MARCHF1: variants seen among roughly 807,000 people sequenced by gnomAD.
MARCHF1 encodes E3 ubiquitin-protein ligase MARCHF1.
MARCHF1 carries 40 observed loss-of-function variants against 54.2 expected under a neutral mutation model. The ratio of observed to expected loss-of-function variants is 0.74; its 90% CI spans 0.57 to 0.96. The LOEUF is 0.96. Ranked by LOEUF, MARCHF1 falls within the 40% of genes least tolerant of loss-of-function variation. The pLI is 0.00. For synonymous variants in MARCHF1, 236 were observed against 236.3 expected (o/e 1.00, Z 0.01); for missense variants, 586 against 656.5 (o/e 0.89, Z 1.17).
Position 164,373,352 on chromosome 4 carries a change from C to CTTTTT in MARCHF1, c.-323+10513_-323+10517dup, listed in dbSNP as rs5863683. ...CATTAAAAATTAATGTGAAAAACTACTTTTTTTTTTTTTTTTTTTTTTTGA... is the reference window on the plus strand; with the variant it reads ...CATTAAAAATTAATGTGAAAAACTACTTTTTTTTTTTTTTTTTTTTTTTTTTTTGA... On this transcript the variant is annotated intron_variant, in intron 1 of 9. Transcript: ENST00000514618. Among the ~76,000 whole-genome samples, 69 of 91,606 alleles carry CTTTTT rather than the reference C, an allele frequency of 7.5e-4. 1 individual carries two copies. Among genetic ancestry groups the CTTTTT allele is most frequent in the East Asian group, 3.5e-3 (10 of 2,878 alleles). 60.1% of individuals were successfully genotyped at this position (91,606 alleles called of 152,430 possible).
At chr4:163,824,940 GA>G (rs1266373235) in intron 4 of MARCHF1, among the ~76,000 whole-genome samples, 1 of 148,762 alleles carries the variant, frequency 6.7e-6, no homozygotes, top group African/African-American at 2.5e-5. Context: ...ACCACAATGA[GA>G]TACCATCTCA....
chr4:164,264,919 G>GAAAAA (rs769358099), intron 1 of MARCHF1, among the ~76,000 whole-genome samples: 1 of 115,290 alleles, frequency 8.7e-6, no homozygotes, highest in African/African-American at 3.6e-5. Context: ...AGACTCTGTC[G>GAAAAA]AAAAAAAAAA....
chr4:163,950,751 A>G (rs1320071752), intron 3 of MARCHF1, among the ~76,000 whole-genome samples: 2 of 152,278 alleles, frequency 1.3e-5, no homozygotes, highest in Non-Finnish European at 2.9e-5. Context: ...CTTAAATAGT[A>G]TAAATGTTAA....
intron 1 of MARCHF1, among the ~76,000 whole-genome samples, chr4:164,377,337 T>G (rs1352579031): frequency 6.6e-6 from 1 of 152,228 alleles, no homozygotes; most frequent in Non-Finnish European, 1.5e-5. Flanking sequence ...CTGAGTTTTA[T>G]CCATATACCA....
rs566864840 is a variant in MARCHF1 at position 163,852,605 on chromosome 4, T to C, written c.111+1416A>G. On this transcript the variant is annotated intron_variant, in intron 4 of 9. Coordinates refer to ENST00000514618, the MANE Select transcript of MARCHF1 (RefSeq NM_001394959.1). ...CAAAAGGAAACCATTCCCTAAAACTTTGAATACCCAGTAGTTTTGCACATA... is the reference window on the plus strand; with the variant it reads ...CAAAAGGAAACCATTCCCTAAAACTCTGAATACCCAGTAGTTTTGCACATA... 1.5e-3 allele frequency among the ~76,000 whole-genome samples: 229 copies of C among 152,282 alleles called. 1 individual carries two copies. Among genetic ancestry groups the C allele is most frequent in the African/African-American group, 5.3e-3 (222 of 41,564 alleles).
intron 1 of MARCHF1, among the ~76,000 whole-genome samples, chr4:164,348,184 CT>C (rs567651251): frequency 3.3e-5 from 5 of 151,138 alleles, no homozygotes; most frequent in East Asian, 2.0e-4. Flanking sequence ...GAGTATGCTT[CT>C]TTTTTTTTGT....
chr4:164,207,194 G>A (rs184546608), intron 1 of MARCHF1, among the ~76,000 whole-genome samples: 231 of 152,178 alleles, frequency 1.5e-3, no homozygotes, highest in African/African-American at 5.3e-3. Flanking sequence ...ATTATTTTGT[G>A]TTTTACAATG....
In MARCHF1 at chr4:163,886,338, TAG is replaced by T. The variant is rs1560803566; in HGVS notation, c.-38-32171_-38-32170del. On this transcript the variant is annotated intron_variant, in intron 3 of 9. Transcript: ENST00000514618. ...ATAGATAGATAGATAGATAGATAGA[TAG>T]ATAGATAGATATAGATAGATAGATA... Among the ~76,000 whole-genome samples, 62 of 149,832 alleles carry T rather than the reference TAG, an allele frequency of 4.1e-4. 1 individual carries two copies. Among genetic ancestry groups the T allele is most frequent in the Admixed American group, 2.6e-3 (39 of 15,028 alleles).
At chr4:163,583,371 A>G (rs578171926) in intron 8 of MARCHF1, among the ~76,000 whole-genome samples, 25 of 152,308 alleles carry the variant, frequency 1.6e-4, no homozygotes, top group African/African-American at 6.0e-4. Context: ...GCTCAAATAA[A>G]ACACATCTGT....
intron 2 of MARCHF1, among the ~76,000 whole-genome samples, chr4:164,032,759 G>T (rs1753905203): frequency 6.6e-6 from 1 of 151,912 alleles, no homozygotes; most frequent in Admixed American, 6.6e-5. Flanking sequence ...CAATTATGTG[G>T]TTGGTTTTAG....
chr4:163,720,617 G>A (rs1745419805), intron 4 of MARCHF1, among the ~76,000 whole-genome samples: 1 of 152,146 alleles, frequency 6.6e-6, no homozygotes, highest in African/African-American at 2.4e-5. Flanking sequence ...ATTACCTTGG[G>A]CAGTATGGCC....
chr4:164,015,557 C>T (rs1753522035), intron 2 of MARCHF1, among the ~76,000 whole-genome samples: 1 of 152,132 alleles, frequency 6.6e-6, no homozygotes, highest in African/African-American at 2.4e-5. Flanking sequence ...AACTTCCAAT[C>T]TAACAAGGGA....
chr4:163,631,750 ATT>A (rs1742092151), intron 5 of MARCHF1, among the ~76,000 whole-genome samples: 2 of 152,182 alleles, frequency 1.3e-5, no homozygotes, highest in Admixed American at 1.3e-4. Flanking sequence ...ATGACATTGG[ATT>A]TGGCAATGAT....
At chr4:164,159,753 A>G (rs10002082) in intron 1 of MARCHF1, among the ~76,000 whole-genome samples, 29,018 of 152,150 alleles carry the variant, frequency 0.19, 4,411 homozygotes, top group African/African-American at 0.41. Flanking sequence ...AGCGATGGAA[A>G]GAATGTAAGC....
chr4:163,548,620 C>T (rs957176884), intron 8 of MARCHF1, among the ~76,000 whole-genome samples: 9 of 152,206 alleles, frequency 5.9e-5, no homozygotes, highest in Non-Finnish European at 1.0e-4. Flanking sequence ...TAAATCCTTA[C>T]AGGAACCATT....
chr4:164,073,263 T>C (rs1450380994), intron 2 of MARCHF1, among the ~76,000 whole-genome samples: 1 of 152,144 alleles, frequency 6.6e-6, no homozygotes, highest in South Asian at 2.1e-4. Flanking sequence ...CCATCAGTGA[T>C]AGACTGGGTA....
chr4:164,180,606 C>G (rs540914355), intron 1 of MARCHF1, among the ~76,000 whole-genome samples: 16 of 152,220 alleles, frequency 1.1e-4, no homozygotes, highest in African/African-American at 3.6e-4. Flanking sequence ...GCAGAGGAGA[C>G]AGTGATATAT....
intron 1 of MARCHF1, among the ~76,000 whole-genome samples, chr4:164,159,874 C>T (rs1730184568): frequency 1.3e-5 from 2 of 152,084 alleles, no homozygotes; most frequent in African/African-American, 2.4e-5. Context: ...CTTCTCTGGA[C>T]CTCATTCTTC....
intron 1 of MARCHF1, among the ~76,000 whole-genome samples, chr4:164,195,017 G>A (rs564464371): frequency 1.5e-4 from 23 of 149,374 alleles, no homozygotes; most frequent in Admixed American, 4.0e-4. Flanking sequence ...CCCTGTATCC[G>A]TATGTTCTCA....
Sources: gnomAD v4.1 joint callset for allele counts (sites outside exome capture counted in the v4.1 genomes callset) on GRCh38, gnomAD v4.1.1 for gene constraint, MANE v1.5 for transcripts, NCBI Gene and HGNC (gene_info 2026-07-23, HGNC 2026-07-21) for gene names.